The following APPL2 variants were observed in gnomAD, a reference collection of about 807,000 sequenced individuals.
The protein encoded by APPL2 is DCC-interacting protein 13-beta.
A neutral mutation model predicts 92.7 loss-of-function variants in APPL2; 84 were observed. The ratio of observed to expected loss-of-function variants is 0.91; its 90% CI spans 0.76 to 1.09. The LOEUF (loss-of-function observed/expected upper bound fraction) is 1.09, where lower values mean the gene tolerates loss of function less well. Ranked by LOEUF, APPL2 falls within the 50% of genes least tolerant of loss-of-function variation. The pLI is 0.00. For missense variants in APPL2, 736 were observed against 824.5 expected (o/e 0.89, Z 1.31); for synonymous variants, 291 against 291.0 (o/e 1.00, Z 0.00).
intron 5 of APPL2, among the ~76,000 whole-genome samples, chr12:105,209,256 T>C (rs750719556): frequency 5.3e-5 from 8 of 152,104 alleles, no homozygotes; most frequent in Non-Finnish European, 1.2e-4. Flanking sequence ...GGAGATCAGA[T>C]TCTAATTTGG....
intron 4 of APPL2, among the ~76,000 whole-genome samples, chr12:105,212,118 CA>C (rs5800657): frequency 4.8e-4 from 35 of 72,406 alleles, no homozygotes; most frequent in Admixed American, 2.6e-3. Context: ...GACTCCATCT[CA>C]AAAAAAAAAA....
intron 14 of APPL2, among the ~76,000 whole-genome samples, chr12:105,192,965 C>G (rs1357414702): frequency 2.0e-5 from 3 of 151,898 alleles, no homozygotes; most frequent in Admixed American, 2.0e-4. Flanking sequence ...TGATTCTTTC[C>G]CCCCCCACTG....
intron 17 of APPL2, among the ~76,000 whole-genome samples, chr12:105,184,765 T>TAGC (rs1312648160): frequency 6.6e-6 from 1 of 152,226 alleles, no homozygotes; most frequent in Admixed American, 6.5e-5. Context: ...GTCTGTCCCT[T>TAGC]AGCAGAGCTC....
intron 1 of APPL2, among the ~76,000 whole-genome samples, chr12:105,232,902 T>G (rs1241716734): frequency 6.6e-6 from 1 of 152,214 alleles, no homozygotes; most frequent in Non-Finnish European, 1.5e-5. Context: ...TTATCTTGTT[T>G]GAGGAAAGAA....
intron 17 of APPL2, among the ~76,000 whole-genome samples, chr12:105,183,158 A>G (rs1886281072): frequency 6.8e-6 from 1 of 146,424 alleles, no homozygotes; most frequent in Non-Finnish European, 1.5e-5. Context: ...GTCTCTGCAC[A>G]TGAGATGGGT....
chr12:105,229,503 T>C lies in APPL2; in HGVS notation c.55-280A>G, dbSNP rs117779792. ...TAAAAGATTATGACTGAAGGGCTAT[T>C]ATCTGTTCTGACTTTAGCCCCTACC... On this transcript the variant is annotated intron_variant, in intron 1 of 20. Coordinates refer to ENST00000258530, the MANE Select transcript of APPL2 (RefSeq NM_018171.5). The C allele has an allele frequency of 3.2e-4, 326 of 1,015,508 alleles. 8 individuals carry two copies. The East Asian group carries it at 0.016, about 51-fold the overall frequency. The allele number at this position is 1,015,508 out of a possible 1,614,324, so 62.9% of individuals were successfully genotyped here. A position where few individuals can be genotyped will look rare whatever the true frequency, so the allele number is the denominator to read the frequency against.
At chr12:105,235,907 C>T (rs1373113338) in intron 1 of APPL2, 52 bp downstream of exon 1, 2 of 1,221,190 alleles carry the variant, frequency 1.6e-6, no homozygotes, top group Non-Finnish European at 2.1e-6. Flanking sequence ...GCTGGAGGGG[C>T]CTCCTCGGCC....
intron 3 of APPL2, 143 bp from the exon 4 acceptor site, chr12:105,217,283 G>A (rs1461347970): frequency 1.7e-6 from 1 of 604,648 alleles, no homozygotes; most frequent in Non-Finnish European, 2.9e-6. Flanking sequence ...TACCTGAAGA[G>A]GGAGTCACAG....
intron 17 of APPL2, among the ~76,000 whole-genome samples, chr12:105,180,959 C>A (rs1452922683): frequency 6.6e-6 from 1 of 152,162 alleles, no homozygotes; most frequent in Non-Finnish European, 1.5e-5. Flanking sequence ...TCATTGCTTT[C>A]TCTTGCCTGA....
chr12:105,228,253 G>C (rs1423418870), intron 2 of APPL2, among the ~76,000 whole-genome samples: 1 of 152,220 alleles, frequency 6.6e-6, no homozygotes, highest in African/African-American at 2.4e-5. Flanking sequence ...TTCAGATTTT[G>C]AAGTATTTGC....
intron 5 of APPL2, among the ~76,000 whole-genome samples, chr12:105,208,901 C>G (rs1328253850): frequency 6.6e-6 from 1 of 152,184 alleles, no homozygotes; most frequent in Non-Finnish European, 1.5e-5. Flanking sequence ...AATTCTACAA[C>G]AATCCATTTT....
At chr12:105,235,715 G>T (rs1056605455) in intron 1 of APPL2, among the ~76,000 whole-genome samples, 1 of 152,110 alleles carries the variant, frequency 6.6e-6, no homozygotes, top group Non-Finnish European at 1.5e-5. Flanking sequence ...CTTGCAGGGG[G>T]GTCACGACAT....
At chr12:105,177,081 TC>T in intron 18 of APPL2, 65 bp from the exon 19 acceptor site, 1 of 1,609,102 alleles carries the variant, frequency 6.2e-7, no homozygotes, top group African/African-American at 1.3e-5. Context: ...ACAAGGCTAC[TC>T]TCTGGAAAAG....
At chr12:105,206,066 C>A (rs1039214005) in intron 8 of APPL2, among the ~76,000 whole-genome samples, 1 of 152,208 alleles carries the variant, frequency 6.6e-6, no homozygotes, top group Non-Finnish European at 1.5e-5. Context: ...ATCTTCCGAA[C>A]CCATTTCCCA....
Position 105,207,119 on chromosome 12 carries a change from A to G in APPL2, c.563T>C (p.Leu188Pro). The G allele has an allele frequency of 6.2e-7, 1 of 1,614,186 alleles. No homozygotes were observed. ...CATGGCCATTTGCTTTCTGTACTGC[A>G]GCGCGTTGAGGGCACAGTAGTACTG... is the stretch of plus-strand genomic sequence containing the variant. ...SLQYYCALNA[L>P]QYRKQMAMME... The change falls in exon 8 of 21, where the codon CTG (leucine) becomes CCG (proline). Residue 188 changes from leucine to proline, a missense_variant. By Grantham distance (98) the Leu-to-Pro change is moderately conservative. Transcript: ENST00000258530.
intron 7 of APPL2, 124 bp from the exon 8 acceptor site, chr12:105,207,331 C>T (rs1888812359): frequency 1.0e-6 from 1 of 971,984 alleles, no homozygotes; most frequent in Admixed American, 3.0e-5. Flanking sequence ...TAACAAAACA[C>T]AGATAAGGCT....
chr12:105,193,288 T>G (rs1479177392), intron 14 of APPL2, among the ~76,000 whole-genome samples: 1 of 152,184 alleles, frequency 6.6e-6, no homozygotes, highest in Non-Finnish European at 1.5e-5. Flanking sequence ...CAAACCCCCC[T>G]AAACTATCCA....
Position 105,175,210 on chromosome 12 carries a change from G to A in APPL2, c.1861-762C>T, listed in dbSNP as rs1244493787. Among the ~76,000 whole-genome samples, 4 of 152,164 alleles carry A rather than the reference G, an allele frequency of 2.6e-5. No individual in the cohort carries two copies. The East Asian group carries it at 7.7e-4, about 29-fold the overall frequency. On this transcript the variant is annotated intron_variant, in intron 20 of 20. Coordinates refer to ENST00000258530, the MANE Select transcript of APPL2 (RefSeq NM_018171.5). ...GCTTTTGTCTTATGATAGCAGAGTTGAATCTGTTGCAAGGGAGATAGCCAA... is the reference window on the plus strand; with the variant it reads ...GCTTTTGTCTTATGATAGCAGAGTTAAATCTGTTGCAAGGGAGATAGCCAA...
intron 9 of APPL2, 117 bp downstream of exon 9, chr12:105,203,586 T>G (rs1391213042): frequency 1.2e-6 from 1 of 866,458 alleles, no homozygotes; most frequent in South Asian, 1.6e-5. Context: ...ATTTCTGGGG[T>G]GGACAGAGGC....
Sources: gnomAD v4.1 joint callset for allele counts (sites outside exome capture counted in the v4.1 genomes callset) on GRCh38, gnomAD v4.1.1 for gene constraint, MANE v1.5 for transcripts, NCBI Gene and HGNC (gene_info 2026-07-23, HGNC 2026-07-21) for gene names.